PDE3A: variants seen among roughly 807,000 people sequenced by gnomAD.
The protein encoded by PDE3A is cGMP-inhibited 3',5'-cyclic phosphodiesterase 3A.
A neutral mutation model predicts 98.3 loss-of-function variants in PDE3A; 43 were observed. The observed-to-expected ratio is 0.44, with a 90% CI of 0.34 to 0.56. The LOEUF is 0.56. PDE3A is among the 20% of genes least tolerant of loss of function. The pLI, the probability that PDE3A is intolerant of heterozygous loss-of-function variation, is 0.01. For synonymous variants in PDE3A, 663 were observed against 567.9 expected (o/e 1.17, Z -2.38); for missense variants, 1,427 against 1,440.7 (o/e 0.99, Z 0.15).
chr12:20,669,200 G>A (rs996628247), intron 15 of PDE3A, among the ~76,000 whole-genome samples: 2 of 151,166 alleles, frequency 1.3e-5, no homozygotes, highest in African/African-American at 2.4e-5. Context: ...GGGACTATGT[G>A]AAAAGACCAA....
At chr12:20,377,482 A>C (rs183445980) in intron 1 of PDE3A, among the ~76,000 whole-genome samples, 2 of 151,900 alleles carry the variant, frequency 1.3e-5, no homozygotes, top group East Asian at 3.9e-4. Flanking sequence ...CATTTCAAGT[A>C]TTAAATAGAC....
At chr12:20,649,025 A>C in intron 13 of PDE3A, 134 bp downstream of exon 13, 1 of 609,926 alleles carries the variant, frequency 1.6e-6, no homozygotes, top group Middle Eastern at 4.4e-4. Flanking sequence ...TCCTGGGTTC[A>C]AGTGATTCTC....
At chr12:20,396,426 C>T (rs1944019613) in intron 1 of PDE3A, among the ~76,000 whole-genome samples, 1 of 152,016 alleles carries the variant, frequency 6.6e-6, no homozygotes, top group Non-Finnish European at 1.5e-5. Context: ...AGGAAAAGTG[C>T]AGAAGAATTT....
intron 2 of PDE3A, among the ~76,000 whole-genome samples, chr12:20,605,170 T>C (rs1943682125): frequency 6.6e-6 from 1 of 152,226 alleles, no homozygotes; most frequent in African/African-American, 2.4e-5. Context: ...CTATGTAATT[T>C]ACAGTGACAA....
chr12:20,584,808 AT>A (rs1430635076), intron 2 of PDE3A, among the ~76,000 whole-genome samples: 2 of 151,754 alleles, frequency 1.3e-5, no homozygotes, highest in Non-Finnish European at 2.9e-5. Context: ...GGCAATTTTC[AT>A]TTTTTTTATG....
At chr12:20,542,705 G>A (rs544512041) in intron 1 of PDE3A, among the ~76,000 whole-genome samples, 167 of 152,176 alleles carry the variant, frequency 1.1e-3, no homozygotes, top group Non-Finnish European at 1.9e-3. Flanking sequence ...TTTTGATGCA[G>A]CTGAGGCTAT....
chr12:20,507,875 G>A (rs1276001178), intron 1 of PDE3A, among the ~76,000 whole-genome samples: 5 of 151,930 alleles, frequency 3.3e-5, no homozygotes, highest in African/African-American at 4.8e-5. Flanking sequence ...CTGTTCTCTC[G>A]GCTTCCACCT....
intron 2 of PDE3A, among the ~76,000 whole-genome samples, chr12:20,562,691 A>C (rs543713794): frequency 3.3e-5 from 5 of 152,270 alleles, no homozygotes; most frequent in Admixed American, 2.6e-4. Flanking sequence ...TTTATTTACC[A>C]ATAGTGAAAA....
intron 1 of PDE3A, among the ~76,000 whole-genome samples, chr12:20,532,065 A>T (rs922348863): frequency 6.6e-6 from 1 of 152,184 alleles, no homozygotes; most frequent in Non-Finnish European, 1.5e-5. Context: ...TGGAGCAGAT[A>T]CATTGAAAAC....
chr12:20,654,328 C>A, intron 15 of PDE3A, 123 bp downstream of exon 15: 1 of 813,680 alleles, frequency 1.2e-6, no homozygotes, highest in Non-Finnish European at 2.0e-6. Context: ...CGGAGTTTGA[C>A]TACGGATAGC....
In PDE3A at chr12:20,395,652, TA is replaced by T. The variant is rs1944003766; in HGVS notation, c.960+25409del. Among the ~76,000 whole-genome samples, 3 of 144,878 alleles carry T rather than the reference TA, an allele frequency of 2.1e-5. No individual in the cohort carries two copies. The South Asian group carries it at 6.5e-4, about 31-fold the overall frequency. On this transcript the variant is annotated intron_variant, in intron 1 of 15. Transcript: ENST00000359062. ...TGTATACTATATATACACATAGTAT[TA>T]TATATGTATACTACATATAACTAGA...
chr12:20,390,628 T>G (rs1238375140), intron 1 of PDE3A, among the ~76,000 whole-genome samples: 1 of 151,860 alleles, frequency 6.6e-6, no homozygotes, highest in Non-Finnish European at 1.5e-5. Flanking sequence ...TATTTTAGTT[T>G]CGGGGTGAAG....
chr12:20,370,389 G>GTTTTTTTTTTTTTTTTTTTTTTTT (rs1407334826), intron 1 of PDE3A, 145 bp downstream of exon 1: 1 of 405,974 alleles, frequency 2.5e-6, no homozygotes, highest in African/African-American at 2.2e-5. Context: ...AAACTAGCAG[G>GTTTTTTTTTTTTTTTTTTTTTTTT]TTTTTTTTTT....
At position 20,552,839 on chromosome 12, in the gene PDE3A, C is replaced by A; in HGVS notation, c.961-3821C>A. The A allele has an allele frequency of 5.6e-6, 9 of 1,613,950 alleles. No individual in the cohort carries two copies. The highest frequency in any genetic ancestry group is 7.6e-6 in the Non-Finnish European group (9 of 1,179,868). On this transcript the variant is annotated intron_variant, in intron 1 of 15. Transcript: ENST00000359062. This position sits in a 1 kb window ranked among gnomAD's most constrained non-coding sequence, Gnocchi z 5.1. Reference sequence around the variant, plus strand: ...GAGCTGGTGTTCCGGCCCATCACGACCGTGTGCCAGCACAACGTGTGCAAG... The same window carrying A: ...GAGCTGGTGTTCCGGCCCATCACGAACGTGTGCCAGCACAACGTGTGCAAG...
At chr12:20,589,216 G>C (rs1438995781) in intron 2 of PDE3A, among the ~76,000 whole-genome samples, 3 of 152,054 alleles carry the variant, frequency 2.0e-5, no homozygotes, top group African/African-American at 7.2e-5. Context: ...GAGCCACCAT[G>C]CCCGGCCTCA....
At chr12:20,383,913 G>A (rs1200293648) in intron 1 of PDE3A, among the ~76,000 whole-genome samples, 1 of 151,972 alleles carries the variant, frequency 6.6e-6, no homozygotes, top group Non-Finnish European at 1.5e-5. Context: ...TCTGTGTTGA[G>A]TGAGAGTAGG....
intron 4 of PDE3A, among the ~76,000 whole-genome samples, chr12:20,617,050 ACTTAT>A (rs1187559729): frequency 2.6e-5 from 4 of 152,290 alleles, no homozygotes; most frequent in East Asian, 3.9e-4. Flanking sequence ...AAAATATTAT[ACTTAT>A]CTTACTTTAT....
At chr12:20,537,625 G>A (rs1175197302) in intron 1 of PDE3A, among the ~76,000 whole-genome samples, 1 of 152,010 alleles carries the variant, frequency 6.6e-6, no homozygotes, top group Non-Finnish European at 1.5e-5. Context: ...ATTGAGAGAT[G>A]TTGTTTGCTT....
At chr12:20,397,819 G>A (rs1944045545) in intron 1 of PDE3A, among the ~76,000 whole-genome samples, 1 of 151,996 alleles carries the variant, frequency 6.6e-6, no homozygotes, top group Admixed American at 6.6e-5. Flanking sequence ...AAGAGAATCA[G>A]CTCATTTTCT....
Sources: allele counts gnomAD v4.1 joint callset (sites outside exome capture counted in the v4.1 genomes callset), GRCh38; gene constraint gnomAD v4.1.1; non-coding constraint Gnocchi (gnomAD v3.1); transcripts MANE v1.5; gene names NCBI Gene and HGNC (gene_info 2026-07-23, HGNC 2026-07-21).